DCLK2: variants seen among roughly 807,000 people sequenced by gnomAD.
The protein encoded by DCLK2 is serine/threonine-protein kinase DCLK2.
A neutral mutation model predicts 78.4 loss-of-function variants in DCLK2; 31 were observed. The observed-to-expected ratio is 0.40, with a 90% CI of 0.30 to 0.53. The LOEUF is 0.53. Ranked by LOEUF, DCLK2 falls within the 20% of genes least tolerant of loss-of-function variation. DCLK2 has a pLI of 0.61. For synonymous variants in DCLK2, 407 were observed against 374.9 expected (o/e 1.09, Z -0.99); for missense variants, 872 against 973.7 (o/e 0.90, Z 1.39).
chr4:150,097,056 T>G (rs1032976372), intron 1 of DCLK2, among the ~76,000 whole-genome samples: 8 of 151,582 alleles, frequency 5.3e-5, no homozygotes, highest in Admixed American at 1.3e-4. Flanking sequence ...TAACTTTGAA[T>G]AGGAGGAGAG....
At chr4:150,199,280 T>A (rs1739293932) in intron 4 of DCLK2, among the ~76,000 whole-genome samples, 1 of 152,200 alleles carries the variant, frequency 6.6e-6, no homozygotes, top group Non-Finnish European at 1.5e-5. Context: ...ATCAGAAGAT[T>A]ACCAAGTGCC....
At chr4:150,102,109 T>A (rs960163533) in intron 1 of DCLK2, among the ~76,000 whole-genome samples, 15 of 152,222 alleles carry the variant, frequency 9.9e-5, no homozygotes, top group African/African-American at 4.8e-5. Context: ...CTAAAACTAA[T>A]TAGTAAATAG....
chr4:150,144,497 T>C (rs1480090634), intron 2 of DCLK2, among the ~76,000 whole-genome samples: 1 of 152,314 alleles, frequency 6.6e-6, no homozygotes, highest in African/African-American at 2.4e-5. Flanking sequence ...GTGGTATCAT[T>C]TGAAGTTAGG....
Position 150,199,317 on chromosome 4 carries a change from G to A in DCLK2, c.961+1214G>A, listed in dbSNP as rs146999247. ...GTCTGTATAGTCAGGAATACAAAGC[G>A]ACTGAGGAGGCACATCACCGCAAGG... On this transcript the variant is annotated intron_variant, in intron 4 of 15. Coordinates refer to ENST00000296550, the MANE Select transcript of DCLK2 (RefSeq NM_001040260.4). 6.8e-3 allele frequency among the ~76,000 whole-genome samples: 1,042 copies of A among 152,300 alleles called. 4 individuals carry two copies. The highest frequency in any genetic ancestry group is 0.012 in the Non-Finnish European group (787 of 68,024).
chr4:150,195,323 T>G lies in DCLK2; in HGVS notation c.859+2083T>G. Reference sequence around the variant, plus strand: ...TTATATATTATATTATATATTATATTATATATTATATATATTATATAATAT... The same window carrying G: ...TTATATATTATATTATATATTATATGATATATTATATATATTATATAATAT... On this transcript the variant is annotated intron_variant, in intron 3 of 15. Transcript: ENST00000296550. Among the ~76,000 whole-genome samples, 15 of 7,206 alleles carry G rather than the reference T, an allele frequency of 2.1e-3. 6 individuals carry two copies. The highest frequency in any genetic ancestry group is 5.1e-3 in the African/African-American group (15 of 2,942). 4.7% of individuals were successfully genotyped at this position (7,206 alleles called of 152,430 possible).
intron 2 of DCLK2, among the ~76,000 whole-genome samples, chr4:150,136,067 T>C (rs185683291): frequency 1.8e-3 from 277 of 152,302 alleles, no homozygotes; most frequent in African/African-American, 6.3e-3. Flanking sequence ...AGTCAAGTCA[T>C]GGATTTTTGA....
chr4:150,214,755 A>G (rs935888809), intron 5 of DCLK2, among the ~76,000 whole-genome samples: 12 of 152,132 alleles, frequency 7.9e-5, no homozygotes, highest in Non-Finnish European at 1.8e-4. Flanking sequence ...TGGGGTCAAG[A>G]GTTCAAGACC....
chr4:150,108,748 A>G (rs1731448795), intron 2 of DCLK2, among the ~76,000 whole-genome samples: 1 of 152,066 alleles, frequency 6.6e-6, no homozygotes, highest in South Asian at 2.1e-4. Context: ...TTTTGTCCAC[A>G]TGTGTAAAAA....
At chr4:150,153,955 T>C (rs1454376356) in intron 2 of DCLK2, among the ~76,000 whole-genome samples, 3 of 152,122 alleles carry the variant, frequency 2.0e-5, no homozygotes, top group Non-Finnish European at 4.4e-5. Context: ...ATTCCATCCC[T>C]TCCACCAAGC....
chr4:150,078,919 A>T lies in DCLK2; in HGVS notation c.-109A>T. The T allele has an allele frequency of 7.5e-7, 1 of 1,333,106 alleles. No homozygotes were observed. The highest frequency in any genetic ancestry group is 1.5e-5 in the African/African-American group (1 of 64,814). The allele number at this position is 1,333,106 out of a possible 1,614,324, so 82.6% of individuals were successfully genotyped here. A position where few individuals can be genotyped will look rare whatever the true frequency, so the allele number is the denominator to read the frequency against. On this transcript the variant is annotated 5_prime_UTR_variant, in exon 1 of 16. Coordinates refer to ENST00000296550, the MANE Select transcript of DCLK2 (RefSeq NM_001040260.4). ...GCGGAGAGGGCGGGATGCCAGAGCC[A>T]GGTGTCCCGGCGCGTTAAGGGCCCT... is the stretch of plus-strand genomic sequence containing the variant.
chr4:150,092,390 T>C (rs1363426331), intron 1 of DCLK2, among the ~76,000 whole-genome samples: 1 of 152,172 alleles, frequency 6.6e-6, no homozygotes, highest in East Asian at 1.9e-4. Flanking sequence ...TTCACACTGT[T>C]TCCATAGCAG....
At chr4:150,181,647 T>C (rs1430659060) in intron 2 of DCLK2, among the ~76,000 whole-genome samples, 1 of 151,454 alleles carries the variant, frequency 6.6e-6, no homozygotes, top group Non-Finnish European at 1.5e-5. Context: ...GCAAACCAAA[T>C]GTAGGGAGCT....
At chr4:150,083,140 C>T (rs1010255014) in intron 1 of DCLK2, among the ~76,000 whole-genome samples, 14 of 152,142 alleles carry the variant, frequency 9.2e-5, no homozygotes, top group Non-Finnish European at 1.8e-4. Context: ...GGCTGCCATT[C>T]CCTAGCCAGA....
chr4:150,254,472 G>T (rs530595280), intron 15 of DCLK2: 53 of 398,702 alleles, frequency 1.3e-4, no homozygotes, highest in Non-Finnish European at 4.4e-5. Context: ...CCTGCCTTCT[G>T]CCACACACGC....
At chr4:150,185,052 C>G (rs956779183) in intron 2 of DCLK2, among the ~76,000 whole-genome samples, 2 of 152,168 alleles carry the variant, frequency 1.3e-5, no homozygotes, top group Non-Finnish European at 2.9e-5. Context: ...TTAGTTCCTT[C>G]TCACACTGCT....
intron 2 of DCLK2, among the ~76,000 whole-genome samples, chr4:150,136,958 C>T (rs966137099): frequency 4.1e-5 from 6 of 145,100 alleles, no homozygotes; most frequent in African/African-American, 1.3e-4. Context: ...ATTTATTTCT[C>T]ATCTTTTTCT....
intron 2 of DCLK2, among the ~76,000 whole-genome samples, chr4:150,109,617 G>A (rs991887020): frequency 6.6e-6 from 1 of 152,168 alleles, no homozygotes; most frequent in African/African-American, 2.4e-5. Context: ...GATTGCAGGC[G>A]TGAGCCACCA....
At chr4:150,172,607 CAAAAAAAAAAAA>C (rs34267089) in intron 2 of DCLK2, among the ~76,000 whole-genome samples, 27 of 70,152 alleles carry the variant, frequency 3.8e-4, no homozygotes, top group Non-Finnish European at 3.0e-4. Context: ...GACTCCGTCT[CAAAAAAAAAAAA>C]AAAAAAAAAA....
chr4:150,109,234 A>G (rs1731480932), intron 2 of DCLK2, among the ~76,000 whole-genome samples: 1 of 152,140 alleles, frequency 6.6e-6, no homozygotes, highest in African/African-American at 2.4e-5. Context: ...ATTCATAAAC[A>G]TTTTCTACAA....
Sources: allele counts gnomAD v4.1 joint callset (sites outside exome capture counted in the v4.1 genomes callset), GRCh38; gene constraint gnomAD v4.1.1; transcripts MANE v1.5; gene names NCBI Gene and HGNC (gene_info 2026-07-23, HGNC 2026-07-21).